The following DHRSX variants were observed in gnomAD, a reference collection of about 807,000 sequenced individuals.
The protein encoded by DHRSX is dehydrogenase/reductase X-linked, also known as polyprenol dehydrogenase.
DHRSX carries 31 observed loss-of-function variants against 34.0 expected under a neutral mutation model. The ratio of observed to expected loss-of-function variants is 0.91; its 90% CI spans 0.69 to 1.23. DHRSX has a LOEUF of 1.23. Among genes scored for constraint, DHRSX ranks in the 50% most tolerant of loss-of-function variants. The pLI, the probability that DHRSX is intolerant of heterozygous loss-of-function variation, is 0.00. For synonymous variants in DHRSX, 201 were observed against 183.8 expected, an observed-to-expected ratio of 1.09 and a Z score of -0.76; for missense variants, 414 against 428.1, an observed-to-expected ratio of 0.97 and a Z score of 0.29.
chrX:2,303,797 G>GGGTGGATGGGTGGA (rs1267748050), intron 3 of DHRSX, among the ~76,000 whole-genome samples: 1 of 26,614 alleles, frequency 3.8e-5, no homozygotes. Context: ...GGATGGGTGG[G>GGGTGGATGGGTGGA]TGGGTGGGTG....
intron 1 of DHRSX, among the ~76,000 whole-genome samples, chrX:2,428,249 AT>A (rs1325294285): frequency 6.6e-6 from 1 of 152,142 alleles, no homozygotes; most frequent in African/African-American, 2.4e-5. Flanking sequence ...TACCCACAAA[AT>A]CTATAAAAAT....
chrX:2,307,100 C>G (rs34062050), intron 3 of DHRSX, among the ~76,000 whole-genome samples: 51,923 of 151,764 alleles, frequency 0.34, 10,432 homozygotes, highest in Middle Eastern at 0.48. Flanking sequence ...AATGTAGTTG[C>G]TGCATATATA....
chrX:2,491,066 GTTTTT>G (rs900738620), intron 1 of DHRSX, among the ~76,000 whole-genome samples: 7 of 110,256 alleles, frequency 6.3e-5, no homozygotes, highest in South Asian at 3.0e-4. Flanking sequence ...AGTGCCTTTA[GTTTTT>G]TTTTTTTTTT....
intron 1 of DHRSX, among the ~76,000 whole-genome samples, chrX:2,498,731 T>C (rs1293640141): frequency 6.6e-6 from 1 of 152,132 alleles, no homozygotes; most frequent in East Asian, 1.9e-4. Flanking sequence ...CGGCCTCTTC[T>C]GCCAGGGCCC....
At chrX:2,441,477 T>G (rs7054020) in intron 1 of DHRSX, among the ~76,000 whole-genome samples, 19,915 of 151,682 alleles carry the variant, frequency 0.13, 2,543 homozygotes, top group African/African-American at 0.33. Context: ...GATATATATA[T>G]AGAGAGAAAG....
At chrX:2,425,504 TA>T (rs1355927376) in intron 1 of DHRSX, among the ~76,000 whole-genome samples, 200 bp from the exon 2 acceptor site, 2 of 152,048 alleles carry the variant, frequency 1.3e-5, no homozygotes, top group East Asian at 3.9e-4. Flanking sequence ...GACAGTGCAG[TA>T]AAAAACCACC....
At chrX:2,397,567 C>T (rs1328314796) in intron 3 of DHRSX, among the ~76,000 whole-genome samples, 1 of 71,518 alleles carries the variant, frequency 1.4e-5, no homozygotes, top group Non-Finnish European at 3.2e-5. Flanking sequence ...TTCTCATTCA[C>T]AGACAAAAAA....
intron 5 of DHRSX, among the ~76,000 whole-genome samples, chrX:2,251,182 G>C (rs189114671): frequency 1.3e-5 from 2 of 152,250 alleles, no homozygotes; most frequent in Admixed American, 1.3e-4. Flanking sequence ...AAAGGTTCCT[G>C]TTCAAAGACT....
chrX:2,260,226 C>G (rs370874361), intron 5 of DHRSX, among the ~76,000 whole-genome samples: 1 of 151,572 alleles, frequency 6.6e-6, no homozygotes, highest in African/African-American at 2.4e-5. Flanking sequence ...AGAGTGGGGT[C>G]GGAATAGTTA....
chrX:2,403,847 ACT>A (rs2043519990), intron 3 of DHRSX, among the ~76,000 whole-genome samples: 2 of 148,112 alleles, frequency 1.4e-5, no homozygotes, highest in Non-Finnish European at 3.0e-5. Flanking sequence ...CAAGAGTGAA[ACT>A]CTGTCTCAAA....
intron 3 of DHRSX, among the ~76,000 whole-genome samples, chrX:2,302,455 T>C (rs982387853): frequency 5.9e-5 from 9 of 151,864 alleles, no homozygotes; most frequent in Non-Finnish European, 1.0e-4. Flanking sequence ...CTACTAAAAA[T>C]ACAAAAACTA....
rs374780518 is a variant in DHRSX, at chrX:2,345,128, G to T, written c.287-53525C>A. On this transcript the variant is annotated intron_variant, in intron 3 of 6. Coordinates refer to ENST00000334651, the MANE Select transcript of DHRSX (RefSeq NM_145177.3). ...GGCTTCCCCTGCCTCTTGAAATACTGCCCAACTTGTGTTCTGTCTGGGTAC... is the reference window on the plus strand; with the variant it reads ...GGCTTCCCCTGCCTCTTGAAATACTTCCCAACTTGTGTTCTGTCTGGGTAC... Among the ~76,000 whole-genome samples the T allele has an allele frequency of 6.4e-4, 97 of 151,580 alleles. 1 individual carries two copies. The highest frequency in any genetic ancestry group is 2.2e-3 in the African/African-American group (91 of 41,328).
chrX:2,225,025 C>T (rs2015616042), intron 6 of DHRSX, among the ~76,000 whole-genome samples: 1 of 150,730 alleles, frequency 6.6e-6, no homozygotes, highest in South Asian at 2.1e-4. Context: ...TTCACATGCA[C>T]ACAGCTCACA....
At chrX:2,359,371 C>T (rs745791597) in intron 3 of DHRSX, among the ~76,000 whole-genome samples, 2 of 152,140 alleles carry the variant, frequency 1.3e-5, no homozygotes, top group East Asian at 1.9e-4. Flanking sequence ...CAGTGGTAGA[C>T]AGAATAAAGA....
intron 3 of DHRSX, among the ~76,000 whole-genome samples, chrX:2,304,339 T>TGATGGATGGATGGATG (rs778314078): frequency 2.5e-5 from 3 of 117,960 alleles, no homozygotes; most frequent in Non-Finnish European, 3.6e-5. Flanking sequence ...ATGGATGAAC[T>TGATGGATGGATGGATG]GATGGATGGA....
chrX:2,466,882 A>G (rs1200369177), intron 1 of DHRSX, among the ~76,000 whole-genome samples: 1 of 152,048 alleles, frequency 6.6e-6, no homozygotes, highest in Non-Finnish European at 1.5e-5. Context: ...CCTGATCAAC[A>G]TGCTGAAACC....
intron 4 of DHRSX, among the ~76,000 whole-genome samples, chrX:2,270,740 G>A (rs1293231684): frequency 6.6e-6 from 1 of 152,198 alleles, no homozygotes; most frequent in African/African-American, 2.4e-5. Flanking sequence ...GAGACGTGAA[G>A]CCACCTGGAC....
At chrX:2,426,653 CCTT>C (rs1366381511) in intron 1 of DHRSX, among the ~76,000 whole-genome samples, 1 of 142,404 alleles carries the variant, frequency 7.0e-6, no homozygotes, top group African/African-American at 2.6e-5. Context: ...TTGTCTCACT[CCTT>C]CTTTCTTCTT....
chrX:2,259,122 A>C (rs892413910), intron 5 of DHRSX, among the ~76,000 whole-genome samples: 5 of 151,910 alleles, frequency 3.3e-5, no homozygotes, highest in African/African-American at 1.2e-4. Context: ...AAAATATAAA[A>C]ATTATCTGGG....
Sources: allele counts gnomAD v4.1 joint callset (sites outside exome capture counted in the v4.1 genomes callset), GRCh38; gene constraint gnomAD v4.1.1; transcripts MANE v1.5; gene names NCBI Gene and HGNC (gene_info 2026-07-23, HGNC 2026-07-21).